CTIF: variants seen among roughly 807,000 people sequenced by gnomAD.
CTIF encodes CBP80/20-dependent translation initiation factor.
Under a neutral mutation model 66.0 loss-of-function variants are expected in CTIF, and 21 were observed. That is an observed-to-expected ratio of 0.32 (90% CI 0.23 to 0.46). The LOEUF is 0.46. CTIF is among the 20% of genes least tolerant of loss of function. CTIF has a pLI of 1.00. For synonymous variants in CTIF, 345 were observed against 326.4 expected (o/e 1.06, Z -0.62); for missense variants, 739 against 812.7 (o/e 0.91, Z 1.10).
At position 48,765,616 on chromosome 18, in the gene CTIF, G is replaced by A. The variant is rs552901486; in HGVS notation, c.1371+3927G>A. Among the ~76,000 whole-genome samples, 5 of 152,352 alleles carry A rather than the reference G, an allele frequency of 3.3e-5. No homozygotes were observed. The South Asian group carries it at 1.0e-3, about 32-fold the overall frequency. On this transcript the variant is annotated intron_variant, in intron 9 of 11. Transcript: ENST00000256413. ...AGGTCTGAGGGCTCTTGCCAAGCTG[G>A]GGTGCAGCCCCCATGGAGTGGGAAG...
chr18:48,671,220 C>G (rs948001727), intron 6 of CTIF, among the ~76,000 whole-genome samples: 5 of 152,134 alleles, frequency 3.3e-5, no homozygotes, highest in African/African-American at 9.7e-5. Context: ...GATTGGGCCT[C>G]TTTCCTGGAA....
chr18:48,730,606 C>CGGCG (rs2092442855), intron 7 of CTIF, among the ~76,000 whole-genome samples: 4 of 68,522 alleles, frequency 5.8e-5, no homozygotes, highest in Non-Finnish European at 1.2e-4. Flanking sequence ...GGGGCTTCTG[C>CGGCG]TGTGTGAGGG....
chr18:48,848,653 C>T (rs1382602236), intron 10 of CTIF, among the ~76,000 whole-genome samples: 2 of 152,230 alleles, frequency 1.3e-5, no homozygotes, highest in Admixed American at 1.3e-4. Context: ...CCCTTTCCCT[C>T]CCTGCAGGGT....
At chr18:48,741,100 G>C (rs1435920798) in intron 7 of CTIF, among the ~76,000 whole-genome samples, 1 of 152,220 alleles carries the variant, frequency 6.6e-6, no homozygotes, top group Non-Finnish European at 1.5e-5. Flanking sequence ...GCCTTGGACA[G>C]AGAAAGCACC....
At chr18:48,655,758 C>T (rs78755066) in intron 3 of CTIF, among the ~76,000 whole-genome samples, 4,095 of 152,212 alleles carry the variant, frequency 0.027, 91 homozygotes, top group Non-Finnish European at 0.041. Flanking sequence ...CCACACCAGC[C>T]TGCCCTAGAA....
chr18:48,723,945 G>C (rs2092363919), intron 7 of CTIF, among the ~76,000 whole-genome samples: 1 of 152,214 alleles, frequency 6.6e-6, no homozygotes, highest in South Asian at 2.1e-4. Context: ...CCAGCAAACA[G>C]AAATAAAATA....
intron 2 of CTIF, among the ~76,000 whole-genome samples, chr18:48,628,390 T>G (rs2090640858): frequency 6.6e-6 from 1 of 152,002 alleles, no homozygotes; most frequent in Admixed American, 6.6e-5. Context: ...GTTGGGGAGA[T>G]GAGGAGGAAG....
chr18:48,775,795 T>G (rs1446076165), intron 9 of CTIF, among the ~76,000 whole-genome samples: 1 of 152,104 alleles, frequency 6.6e-6, no homozygotes, highest in Non-Finnish European at 1.5e-5. Context: ...GATCTGTAAG[T>G]GGCAGGACCC....
Position 48,635,260 on chromosome 18 carries a change from T to A in CTIF, c.181-1354T>A, listed in dbSNP as rs150225529. Among the ~76,000 whole-genome samples, 6 of 152,058 alleles carry A rather than the reference T, an allele frequency of 3.9e-5. No individual in the cohort carries two copies. The East Asian group carries it at 1.2e-3, about 29-fold the overall frequency. ...CACACTCACAGCTCTGACCATGTCA[T>A]CAAACATACAGAGACTGGGCTTCCC... On this transcript the variant is annotated intron_variant, in intron 2 of 11. Coordinates refer to ENST00000256413, the MANE Select transcript of CTIF (RefSeq NM_014772.3).
At chr18:48,676,272 C>T (rs1443710465) in intron 6 of CTIF, among the ~76,000 whole-genome samples, 1 of 152,156 alleles carries the variant, frequency 6.6e-6, no homozygotes, top group Non-Finnish European at 1.5e-5. Context: ...TATACAATAC[C>T]CCATTGAAAG....
chr18:48,608,277 G>A (rs1033030315), intron 1 of CTIF, among the ~76,000 whole-genome samples: 16 of 152,146 alleles, frequency 1.1e-4, no homozygotes, highest in African/African-American at 3.4e-4. Flanking sequence ...AGTGTTGCTC[G>A]ATCATCCAGT....
At chr18:48,604,101 C>T (rs1389932285) in intron 1 of CTIF, among the ~76,000 whole-genome samples, 2 of 151,214 alleles carry the variant, frequency 1.3e-5, no homozygotes, top group East Asian at 3.9e-4. Context: ...ACCTCGGCCT[C>T]CCAAAGTGTT....
At chr18:48,745,251 A>G (rs2092586752) in intron 7 of CTIF, among the ~76,000 whole-genome samples, 1 of 152,118 alleles carries the variant, frequency 6.6e-6, no homozygotes, top group Admixed American at 6.5e-5. Flanking sequence ...GACTTGGGTT[A>G]TAGGCACTGT....
Position 48,636,621 on chromosome 18 carries a change from C to T in CTIF, c.188C>T (p.Ala63Val), listed in dbSNP as rs140616744. Residue 63 changes from alanine (A) to valine (V), a missense_variant, in exon 3 of 12, where the codon GCG (alanine) becomes GTG (valine). Physicochemically the swap from Ala to Val is moderately conservative, Grantham distance 64. Around this residue, in one of 2 missense-constraint regions of CTIF, gnomAD observed 529 missense variants for 520.3 expected, o/e 1.02. Coordinates refer to ENST00000256413, the MANE Select transcript of CTIF (RefSeq NM_014772.3). ...RTQSHISQWT[A>V]DCSEPLDSSC... is the part of the protein sequence containing the mutation. ...CTCCTTTCTGTTCTGCAGTGGACAGCGGACTGCAGCGAACCGCTGGACAGC... is the reference window on the plus strand; with the variant it reads ...CTCCTTTCTGTTCTGCAGTGGACAGTGGACTGCAGCGAACCGCTGGACAGC... The T allele has an allele frequency of 9.9e-5, 156 of 1,577,612 alleles. No individual in the cohort carries two copies. Among genetic ancestry groups the T allele is most frequent in the Non-Finnish European group, 1.2e-4 (144 of 1,165,288 alleles).
intron 9 of CTIF, among the ~76,000 whole-genome samples, chr18:48,812,920 G>A (rs1348913759): frequency 2.0e-5 from 3 of 151,870 alleles, no homozygotes; most frequent in Admixed American, 2.0e-4. Context: ...TGCTCTCTTT[G>A]TTCTGTGTAT....
chr18:48,629,995 TA>T (rs964529437), intron 2 of CTIF, among the ~76,000 whole-genome samples: 1 of 152,206 alleles, frequency 6.6e-6, no homozygotes, highest in African/African-American at 2.4e-5. Context: ...TGGTTTTAGT[TA>T]CCCACGGTCA....
chr18:48,555,283 C>T (rs990914386), intron 1 of CTIF, among the ~76,000 whole-genome samples: 1 of 152,198 alleles, frequency 6.6e-6, no homozygotes, highest in Non-Finnish European at 1.5e-5. Flanking sequence ...CTTCACAGCT[C>T]CTGCCAAAAT....
At chr18:48,677,037 G>A (rs1040370261) in intron 6 of CTIF, among the ~76,000 whole-genome samples, 5 of 152,086 alleles carry the variant, frequency 3.3e-5, no homozygotes, top group African/African-American at 1.2e-4. Flanking sequence ...CCCACACTGG[G>A]GTTGAAGCCT....
intron 1 of CTIF, among the ~76,000 whole-genome samples, chr18:48,586,165 G>T (rs1242130655): frequency 1.3e-5 from 2 of 151,994 alleles, no homozygotes; most frequent in Non-Finnish European, 2.9e-5. Context: ...TAAAATACTC[G>T]TGCCAAATTG....
Sources: allele counts gnomAD v4.1 joint callset (sites outside exome capture counted in the v4.1 genomes callset), GRCh38; gene constraint gnomAD v4.1.1; regional missense constraint gnomAD v4.1.1; transcripts MANE v1.5; gene names NCBI Gene and HGNC (gene_info 2026-07-23, HGNC 2026-07-21).